CFHR2: variants seen among roughly 807,000 people sequenced by gnomAD.
The protein encoded by CFHR2 is complement factor H related 2.
Under a neutral mutation model 21.7 loss-of-function variants are expected in CFHR2, and 22 were observed. The ratio of observed to expected loss-of-function variants is 1.01; its 90% CI spans 0.72 to 1.45. The LOEUF is 1.45. CFHR2 is among the 40% of genes most tolerant of loss of function. The pLI, the probability that CFHR2 is intolerant of heterozygous loss-of-function variation, is 0.00. For synonymous variants in CFHR2, 98 were observed against 97.4 expected (o/e 1.01, Z -0.04); for missense variants, 294 against 293.3 (o/e 1.00, Z -0.02).
intron 3 of CFHR2, among the ~76,000 whole-genome samples, chr1:196,953,727 C>G (rs115847082): frequency 0.023 from 3,569 of 152,216 alleles, 127 homozygotes; most frequent in African/African-American, 0.08. Context: ...GAGTCATATT[C>G]TAGTGGGATT....
Position 196,950,875 on chromosome 1 carries a change from G to C in CFHR2, c.277G>C (p.Glu93Gln). The change falls in exon 3 of 5, where the codon GAA becomes CAA. Residue 93 changes from glutamate (E) to glutamine (Q), a missense_variant. By Grantham distance (29) the Glu-to-Gln change is conservative. Coordinates refer to ENST00000367415, the MANE Select transcript of CFHR2 (RefSeq NM_005666.4). ...AGGACTGTGTTTCTTTCCTTTTGTG[G>C]AAAATGGTCATTCTGAATCTTCAGG... ...CLRLCFFPFV[E>Q]NGHSESSGQT... 6.2e-7 allele frequency: 1 copy of C among 1,613,542 alleles called. No individual in the cohort carries two copies. Among genetic ancestry groups the C allele is most frequent in the Non-Finnish European group, 8.5e-7 (1 of 1,179,854 alleles).
At chr1:196,950,728 C>A in intron 2 of CFHR2, 124 bp from the exon 3 acceptor site, 1 of 1,088,680 alleles carries the variant, frequency 9.2e-7, no homozygotes, top group Non-Finnish European at 1.3e-6. Flanking sequence ...TCACCTCAGC[C>A]TCCCAAAGTG....
rs1653028091 is a variant in CFHR2 at position 196,959,262 on chromosome 1, C to T, written c.*182C>T. On this transcript the variant is annotated 3_prime_UTR_variant, in exon 5 of 5. Coordinates refer to ENST00000367415, the MANE Select transcript of CFHR2 (RefSeq NM_005666.4). Reference sequence around the variant, plus strand: ...GTCACAATGGTGAGGACTATCTTCACCAAATCTAAGTAACAACCTAGGAAT... The same window carrying T: ...GTCACAATGGTGAGGACTATCTTCATCAAATCTAAGTAACAACCTAGGAAT... The T allele has an allele frequency of 3.8e-6, 2 of 531,176 alleles. No homozygotes were observed. Among genetic ancestry groups the T allele is most frequent in the South Asian group, 2.9e-5 (1 of 34,244 alleles). The allele number at this position is 531,176 out of a possible 1,614,324, so 32.9% of individuals were successfully genotyped here.
chr1:196,949,165 T>C (rs1345182879), intron 1 of CFHR2, among the ~76,000 whole-genome samples: 2 of 152,342 alleles, frequency 1.3e-5, no homozygotes, highest in East Asian at 1.9e-4. Flanking sequence ...GCCTTCATTC[T>C]TAAATTGTTG....
intron 3 of CFHR2, among the ~76,000 whole-genome samples, chr1:196,957,097 T>G (rs963839333): frequency 6.6e-6 from 1 of 152,118 alleles, no homozygotes; most frequent in African/African-American, 2.4e-5. Context: ...TAAAAATGAT[T>G]TTTGTCTTGT....
intron 1 of CFHR2, among the ~76,000 whole-genome samples, chr1:196,948,052 T>G (rs1659580125): frequency 6.6e-6 from 1 of 152,052 alleles, no homozygotes; most frequent in Non-Finnish European, 1.5e-5. Flanking sequence ...GTATGAAGAT[T>G]TCACCCATTT....
Position 196,959,028 on chromosome 1 carries a change from G to A in CFHR2, c.761G>A (p.Arg254Gln), listed in dbSNP as rs370528458. ...CATCCAACAAAATCTCATTCATTTC[G>A]AGCAATGTGTCAGAATGGGAAACTG... ...GYHPTKSHSF[R>Q]AMCQNGKLVY... Residue 254 changes from arginine to glutamine, a missense_variant, in exon 5 of 5, where the codon CGA becomes CAA. Coordinates refer to ENST00000367415, the MANE Select transcript of CFHR2 (RefSeq NM_005666.4). 44 of 1,612,094 alleles carry A rather than the reference G, an allele frequency of 2.7e-5. No homozygotes were observed. The highest frequency in any genetic ancestry group is 1.6e-4 in the Middle Eastern group (1 of 6,062).
intron 3 of CFHR2, among the ~76,000 whole-genome samples, chr1:196,954,379 A>C (rs1186941605): frequency 6.6e-6 from 1 of 152,204 alleles, no homozygotes; most frequent in Non-Finnish European, 1.5e-5. Flanking sequence ...TTCAGCCCCC[A>C]GGGCTGCTCT....
chr1:196,956,204 A>C (rs1236176610), intron 3 of CFHR2, among the ~76,000 whole-genome samples: 2 of 152,202 alleles, frequency 1.3e-5, no homozygotes, highest in Non-Finnish European at 2.9e-5. Flanking sequence ...ATGTGCAATA[A>C]ATGATGTGAA....
chr1:196,949,285 CTTAG>C (rs1441190307), intron 1 of CFHR2, among the ~76,000 whole-genome samples, 166 bp from the exon 2 acceptor site: 3 of 152,108 alleles, frequency 2.0e-5, no homozygotes, highest in Non-Finnish European at 4.4e-5. Context: ...CTCGTGTACT[CTTAG>C]TTAGTGATGT....
At chr1:196,953,419 A>T (rs1175841804) in intron 3 of CFHR2, among the ~76,000 whole-genome samples, 1 of 152,072 alleles carries the variant, frequency 6.6e-6, no homozygotes, top group Non-Finnish European at 1.5e-5. Context: ...AGTAGTTGGG[A>T]TTACAGGCAT....
At chr1:196,951,463 G>A (rs1659723791) in intron 3 of CFHR2, among the ~76,000 whole-genome samples, 1 of 152,048 alleles carries the variant, frequency 6.6e-6, no homozygotes, top group Non-Finnish European at 1.5e-5. Flanking sequence ...CAATTCTTAA[G>A]TTTTAGAAAG....
chr1:196,947,014 G>A (rs746767587), intron 1 of CFHR2, among the ~76,000 whole-genome samples: 30 of 152,052 alleles, frequency 2.0e-4, no homozygotes, highest in Non-Finnish European at 3.1e-4. Flanking sequence ...ATGGCTATTA[G>A]GTGATAGGAA....
At chr1:196,956,861 A>G (rs1025244895) in intron 3 of CFHR2, among the ~76,000 whole-genome samples, 4 of 152,108 alleles carry the variant, frequency 2.6e-5, no homozygotes, top group African/African-American at 9.7e-5. Flanking sequence ...TGAGTACTCG[A>G]TTGCAAAAAT....
chr1:196,947,129 A>ATGTGTG (rs60284392), intron 1 of CFHR2, among the ~76,000 whole-genome samples: 20 of 148,556 alleles, frequency 1.3e-4, no homozygotes, highest in African/African-American at 4.2e-4. Flanking sequence ...GTATATATGT[A>ATGTGTG]TGTGTGTGTG....
chr1:196,957,822 T>C lies in CFHR2; in HGVS notation c.431-69T>C, dbSNP rs146708038. 1,854 of 1,409,100 alleles carry C rather than the reference T, an allele frequency of 1.3e-3. 22 individuals carry two copies. The African/African-American group carries it at 0.024, about 18-fold the overall frequency. The allele number at this position is 1,409,100 out of a possible 1,614,324, so 87.3% of individuals were successfully genotyped here. On this transcript the variant is annotated intron_variant, in intron 3 of 4. Coordinates refer to ENST00000367415, the MANE Select transcript of CFHR2 (RefSeq NM_005666.4). ...CCCTGATAGACTATAAAGTGCCTTG[T>C]TTGCATTTGCCTTATTTGAACTTGT...
At position 196,959,089 on chromosome 1, in the gene CFHR2, G is replaced by T. The variant is rs1473863182; in HGVS notation, c.*9G>T. 18 of 1,556,472 alleles carry T rather than the reference G, an allele frequency of 1.2e-5. No homozygotes were observed. The highest frequency in any genetic ancestry group is 1.5e-5 in the Non-Finnish European group (17 of 1,139,742). The stretch of plus-strand genomic sequence containing the variant: ...GTTGTGAAGAAAAATAGAATCAATG[G>T]CATTACTATTAGTAAAATGCACACC... On this transcript the variant is annotated 3_prime_UTR_variant, in exon 5 of 5. Transcript: ENST00000367415.
At chr1:196,957,218 C>T (rs1480609803) in intron 3 of CFHR2, among the ~76,000 whole-genome samples, 1 of 152,100 alleles carries the variant, frequency 6.6e-6, no homozygotes, top group Non-Finnish European at 1.5e-5. Context: ...CTCCAGTGTC[C>T]TATCCAGGAT....
At chr1:196,951,842 C>T (rs1385787664) in intron 3 of CFHR2, among the ~76,000 whole-genome samples, 2 of 152,114 alleles carry the variant, frequency 1.3e-5, no homozygotes, top group East Asian at 3.9e-4. Context: ...TCCCTCACAG[C>T]ACAGAGTCTA....
Sources: gnomAD v4.1 joint callset for allele counts (sites outside exome capture counted in the v4.1 genomes callset) on GRCh38, gnomAD v4.1.1 for gene constraint, MANE v1.5 for transcripts, NCBI Gene and HGNC (gene_info 2026-07-23, HGNC 2026-07-21) for gene names.